CSMD3: variants seen among roughly 807,000 people sequenced by gnomAD.
CSMD3 encodes the protein CUB and Sushi multiple domains 3.
In CSMD3, 177 loss-of-function variants were observed where a neutral mutation model predicts 435.2. The observed-to-expected ratio is 0.41, with a 90% CI of 0.36 to 0.46. The LOEUF is 0.46. CSMD3 is among the 20% of genes least tolerant of loss of function. CSMD3 has a pLI of 0.34. For synonymous variants in CSMD3, 1,656 were observed against 1,520.5 expected (o/e 1.09, Z -2.07); for missense variants, 4,265 against 4,504.6 (o/e 0.95, Z 1.52).
intron 30 of CSMD3, among the ~76,000 whole-genome samples, chr8:112,498,667 A>G (rs1423720037): frequency 6.6e-6 from 1 of 152,158 alleles, no homozygotes; most frequent in Non-Finnish European, 1.5e-5. Context: ...ACTAATTTAC[A>G]GTAGAACCTC....
At chr8:112,323,553 T>C (rs1812035514) in intron 45 of CSMD3, among the ~76,000 whole-genome samples, 1 of 152,060 alleles carries the variant, frequency 6.6e-6, no homozygotes, top group Non-Finnish European at 1.5e-5. Context: ...GACACAGAGA[T>C]GATCACACAG....
chr8:113,207,074 T>G (rs1295300442), intron 3 of CSMD3, among the ~76,000 whole-genome samples: 2 of 152,136 alleles, frequency 1.3e-5, no homozygotes, highest in African/African-American at 4.8e-5. Flanking sequence ...GGTCCATGTA[T>G]CTGCATGTTG....
rs10099280 is a variant in CSMD3, at chr8:112,385,946, A to G, written c.5935-2283T>C. 4.0e-3 allele frequency among the ~76,000 whole-genome samples: 604 copies of G among 152,230 alleles called. 1 individual carries two copies. The highest frequency in any genetic ancestry group is 0.014 in the African/African-American group (578 of 41,528). On this transcript the variant is annotated intron_variant, in intron 36 of 70. Transcript: ENST00000297405. ...CTGGAACCTCTAAATACTACCGTAT[A>G]TGGAAAAGGGTCTTTCAGATGAGCT...
intron 22 of CSMD3, among the ~76,000 whole-genome samples, chr8:112,622,223 C>T (rs542214815): frequency 3.9e-5 from 6 of 152,080 alleles, no homozygotes; most frequent in South Asian, 2.1e-4. Context: ...TCTTTAGCAC[C>T]AATATTCTTC....
intron 35 of CSMD3, among the ~76,000 whole-genome samples, chr8:112,402,441 C>A (rs537963499): frequency 6.6e-6 from 1 of 152,054 alleles, no homozygotes; most frequent in African/African-American, 2.4e-5. Flanking sequence ...TATGTAGGTT[C>A]TTTGAACACT....
chr8:112,241,650 A>T (rs1814157615), intron 66 of CSMD3, 70 bp downstream of exon 66: 3 of 995,940 alleles, frequency 3.0e-6, no homozygotes, highest in Non-Finnish European at 4.9e-6. Flanking sequence ...ATACACAGTT[A>T]CTATGCCAAG....
chr8:113,285,263 T>C, intron 2 of CSMD3, among the ~76,000 whole-genome samples: 1 of 115,186 alleles, frequency 8.7e-6, no homozygotes, highest in African/African-American at 3.0e-5. Context: ...GGTGACAGCT[T>C]TTTTTTTTTT....
At chr8:113,277,428 G>T (rs1350859599) in intron 3 of CSMD3, among the ~76,000 whole-genome samples, 2 of 151,906 alleles carry the variant, frequency 1.3e-5, no homozygotes, top group Admixed American at 1.3e-4. Flanking sequence ...ATAAAACAGA[G>T]AAAGCATTTT....
intron 32 of CSMD3, among the ~76,000 whole-genome samples, chr8:112,440,718 G>A (rs1008086441): frequency 6.6e-6 from 1 of 152,330 alleles, no homozygotes; most frequent in Middle Eastern, 3.4e-3. Context: ...CCAACGCCAT[G>A]TGGAAGCTGC....
Position 112,537,008 on chromosome 8 carries a change from A to G in CSMD3, c.4564+13663T>C, listed in dbSNP as rs146501609. 3.5e-3 allele frequency among the ~76,000 whole-genome samples: 533 copies of G among 151,878 alleles called. 3 individuals are homozygous for G. The highest frequency in any genetic ancestry group is 0.012 in the African/African-American group (513 of 41,430). On this transcript the variant is annotated intron_variant, in intron 27 of 70. Transcript: ENST00000297405. ...CACAGGAAGGGGAACATCACATTCT[A>G]GGGACCATTTTGGGGTAGGGGGAAG...
intron 11 of CSMD3, among the ~76,000 whole-genome samples, chr8:112,847,986 C>A (rs1048070248): frequency 6.6e-6 from 1 of 152,154 alleles, no homozygotes; most frequent in Non-Finnish European, 1.5e-5. Flanking sequence ...ACCTTCACTA[C>A]TTGTTTTTAA....
intron 2 of CSMD3, among the ~76,000 whole-genome samples, chr8:113,287,472 G>A (rs2093655506): frequency 6.6e-6 from 1 of 152,022 alleles, no homozygotes; most frequent in South Asian, 2.1e-4. Flanking sequence ...ATGTCAAGAT[G>A]TCACTGGCAG....
intron 41 of CSMD3, among the ~76,000 whole-genome samples, chr8:112,345,078 A>G (rs1270077615): frequency 6.6e-6 from 1 of 152,124 alleles, no homozygotes; most frequent in African/African-American, 2.4e-5. Flanking sequence ...AAGTCTGTCT[A>G]GCTATATCAG....
At chr8:112,422,298 A>G (rs1812605280) in intron 32 of CSMD3, among the ~76,000 whole-genome samples, 1 of 152,198 alleles carries the variant, frequency 6.6e-6, no homozygotes, top group Non-Finnish European at 1.5e-5. Flanking sequence ...GTCATCATGA[A>G]TAATAGAGGA....
At chr8:112,436,233 G>T (rs1475362133) in intron 32 of CSMD3, among the ~76,000 whole-genome samples, 1 of 151,734 alleles carries the variant, frequency 6.6e-6, no homozygotes, top group African/African-American at 2.4e-5. Flanking sequence ...CTGATCTAAT[G>T]AAAAAGACAT....
In CSMD3 at chr8:112,550,849, C is replaced by T. The variant is rs759897676; in HGVS notation, c.4386G>A (p.Thr1462=). 36 of 1,611,270 alleles carry T rather than the reference C, an allele frequency of 2.2e-5. No individual in the cohort carries two copies. The highest frequency in any genetic ancestry group is 1.1e-4 in the East Asian group (5 of 44,770). ...IVSLQFLAFD[T]EASHDILRVW... ...CTCGGAGTATATCATGTGATGCTTCCGTATCAAAAGCAAGAAACTGCAAGC... is the reference window on the plus strand; with the variant it reads ...CTCGGAGTATATCATGTGATGCTTCTGTATCAAAAGCAAGAAACTGCAAGC... Residue 1462 remains threonine, a synonymous_variant, in exon 27 of 71, where the codon ACG becomes ACA. Transcript: ENST00000297405.
chr8:112,409,784 A>G (rs191104056), intron 32 of CSMD3, among the ~76,000 whole-genome samples: 12 of 152,040 alleles, frequency 7.9e-5, no homozygotes, highest in African/African-American at 2.6e-4. Context: ...TACATGCAGA[A>G]TTTACCCAAA....
chr8:112,511,081 C>T (rs929988289), intron 28 of CSMD3, among the ~76,000 whole-genome samples: 1 of 152,154 alleles, frequency 6.6e-6, no homozygotes, highest in Admixed American at 6.5e-5. Flanking sequence ...GTTTCAGACC[C>T]CCACAATAAA....
At chr8:112,815,398 T>G (rs1014572899) in intron 12 of CSMD3, among the ~76,000 whole-genome samples, 19 of 152,138 alleles carry the variant, frequency 1.2e-4, no homozygotes, top group Admixed American at 3.9e-4. Context: ...TTGAGTTTTA[T>G]TTTTAGAAAA....
Sources: gnomAD v4.1 joint callset for allele counts (sites outside exome capture counted in the v4.1 genomes callset) on GRCh38, gnomAD v4.1.1 for gene constraint, MANE v1.5 for transcripts, NCBI Gene and HGNC (gene_info 2026-07-23, HGNC 2026-07-21) for gene names.